CNTNAP4: variants seen among roughly 807,000 people sequenced by gnomAD.
The protein encoded by CNTNAP4 is contactin-associated protein-like 4.
In CNTNAP4, 98 loss-of-function variants were observed where a neutral mutation model predicts 148.4. The observed-to-expected ratio is 0.66, with a 90% CI of 0.56 to 0.78. The LOEUF is 0.78. Among genes scored for constraint, CNTNAP4 ranks in the 30% least tolerant of loss-of-function variants. The pLI, the probability that CNTNAP4 is intolerant of heterozygous loss-of-function variation, is 0.00. For synonymous variants in CNTNAP4, 730 were observed against 565.1 expected (o/e 1.29, Z -4.14); for missense variants, 1,935 against 1,565.6 (o/e 1.24, Z -3.98).
chr16:76,516,785 C>G (rs950592550), intron 15 of CNTNAP4, among the ~76,000 whole-genome samples: 2 of 152,170 alleles, frequency 1.3e-5, no homozygotes, highest in Non-Finnish European at 2.9e-5. Context: ...AATTCTGGGC[C>G]AGAAGTGGTG....
At chr16:76,290,055 A>G (rs1959051566) in intron 1 of CNTNAP4, among the ~76,000 whole-genome samples, 1 of 152,284 alleles carries the variant, frequency 6.6e-6, no homozygotes, top group African/African-American at 2.4e-5. Flanking sequence ...ATAATGACAA[A>G]TATTCCTTTT....
At chr16:76,492,503 G>A (rs2082258716) in intron 13 of CNTNAP4, among the ~76,000 whole-genome samples, 1 of 148,488 alleles carries the variant, frequency 6.7e-6, no homozygotes, top group African/African-American at 2.4e-5. Context: ...CCCTGAGAGA[G>A]TGTTGAGCAA....
intron 3 of CNTNAP4, among the ~76,000 whole-genome samples, chr16:76,411,471 A>T (rs1422283689): frequency 1.3e-5 from 2 of 151,288 alleles, no homozygotes; most frequent in African/African-American, 4.8e-5. Context: ...AGTGATTTTG[A>T]TGGTAATGGT....
intron 1 of CNTNAP4, among the ~76,000 whole-genome samples, chr16:76,291,624 A>T (rs1959119575): frequency 6.6e-6 from 1 of 152,154 alleles, no homozygotes; most frequent in South Asian, 2.1e-4. Context: ...TTTATCTGGC[A>T]CTTTCCCACT....
chr16:76,535,884 C>T, intron 18 of CNTNAP4, 100 bp downstream of exon 18: 1 of 1,347,974 alleles, frequency 7.4e-7, no homozygotes, highest in Non-Finnish European at 1.0e-6. Context: ...AAAAAAAATT[C>T]AATTTCTGAA....
chr16:76,539,667 G>A (rs867497047), intron 19 of CNTNAP4, 52 bp from the exon 20 acceptor site: 63 of 1,460,582 alleles, frequency 4.3e-5, no homozygotes, highest in African/African-American at 5.9e-5. Context: ...TAAGTAAGCC[G>A]CTCTCAAAGT....
intron 3 of CNTNAP4, among the ~76,000 whole-genome samples, chr16:76,398,415 G>A (rs1007563508): frequency 6.6e-5 from 10 of 152,014 alleles, no homozygotes; most frequent in African/African-American, 1.9e-4. Flanking sequence ...TAAGTGTTGC[G>A]TGATACTGCA....
intron 3 of CNTNAP4, among the ~76,000 whole-genome samples, chr16:76,411,909 G>A (rs760537466): frequency 2.0e-5 from 3 of 151,314 alleles, no homozygotes; most frequent in Non-Finnish European, 3.0e-5. Flanking sequence ...TAAATGTTAC[G>A]TAGGCCAAAC....
chr16:76,407,108 A>G (rs1346788501), intron 3 of CNTNAP4, among the ~76,000 whole-genome samples: 1 of 152,188 alleles, frequency 6.6e-6, no homozygotes, highest in East Asian at 1.9e-4. Flanking sequence ...AGCTGAAGAC[A>G]GTGCTCATTT....
In CNTNAP4 at chr16:76,338,244, T is replaced by C. The variant is rs528624919; in HGVS notation, c.197-17074T>C. On this transcript the variant is annotated intron_variant, in intron 2 of 23. Transcript: ENST00000611870. Reference sequence around the variant, plus strand: ...AATTTTGGGAGCTGATAGATGTCCGTGAAATCTTCACAATTTATGTTCTTC... The same window carrying C: ...AATTTTGGGAGCTGATAGATGTCCGCGAAATCTTCACAATTTATGTTCTTC... 9.2e-5 allele frequency among the ~76,000 whole-genome samples: 14 copies of C among 152,288 alleles called. No individual in the cohort carries two copies. The South Asian group carries it at 2.9e-3, about 32-fold the overall frequency.
At chr16:76,363,083 G>A (rs1350150617) in intron 3 of CNTNAP4, among the ~76,000 whole-genome samples, 1 of 150,054 alleles carries the variant, frequency 6.7e-6, no homozygotes, top group Non-Finnish European at 1.5e-5. Flanking sequence ...AGACAATGGG[G>A]AATGTATAGT....
intron 12 of CNTNAP4, among the ~76,000 whole-genome samples, chr16:76,489,374 TAA>T (rs780355980): frequency 6.6e-6 from 1 of 152,114 alleles, no homozygotes; most frequent in African/African-American, 2.4e-5. Flanking sequence ...TTCAATGAAA[TAA>T]AATACATCAC....
At chr16:76,489,933 TACTC>T (rs1467359324) in intron 13 of CNTNAP4, 50 bp downstream of exon 13, 3 of 1,230,388 alleles carry the variant, frequency 2.4e-6, no homozygotes, top group Non-Finnish European at 3.3e-6. Flanking sequence ...ATCATGCACT[TACTC>T]AACTAGCTCC....
rs2082352062 is a variant in CNTNAP4 at position 76,494,986 on chromosome 16, T to C, written c.2157T>C (p.Leu719=). 6.2e-7 allele frequency: 1 copy of C among 1,613,526 alleles called. No individual in the cohort carries two copies. Among genetic ancestry groups the C allele is most frequent in the African/African-American group, 1.3e-5 (1 of 74,888 alleles). The change falls in exon 14 of 24, where the codon CTT becomes CTC. Residue 719 remains leucine (L), a synonymous_variant. Coordinates refer to ENST00000611870, the MANE Select transcript of CNTNAP4 (RefSeq NM_033401.5). Reference sequence around the variant, plus strand: ...ACTGGGGAGGTTCTTCGCCTGATCTTCAAAAATGTACTTGTGGATTAGAGG... The same window carrying C: ...ACTGGGGAGGTTCTTCGCCTGATCTCCAAAAATGTACTTGTGGATTAGAGG... ...QTYWGGSSPD[L]QKCTCGLEGN... is the part of the protein sequence containing the mutation.
chr16:76,510,190 T>C (rs1300655155), intron 15 of CNTNAP4, among the ~76,000 whole-genome samples: 2 of 152,074 alleles, frequency 1.3e-5, no homozygotes, highest in Non-Finnish European at 1.5e-5. Flanking sequence ...TAACCTGCTT[T>C]TTTTTTTCTA....
chr16:76,553,917 A>T lies in CNTNAP4; in HGVS notation c.3733+10A>T, dbSNP rs2085080044. On this transcript the variant is annotated intron_variant, in intron 23 of 23. Transcript: ENST00000611870. Reference sequence around the variant, plus strand: ...TCTGCAGTAATTGGAGGTAATAAGAAGCATGAATGAGCTCTTCTTTGGTTG... The same window carrying T: ...TCTGCAGTAATTGGAGGTAATAAGATGCATGAATGAGCTCTTCTTTGGTTG... 6.7e-7 allele frequency: 1 copy of T among 1,503,184 alleles called. No homozygotes were observed. Among genetic ancestry groups the T allele is most frequent in the African/African-American group, 1.4e-5 (1 of 72,762 alleles). 93.1% of individuals were successfully genotyped at this position (1,503,184 alleles called of 1,614,324 possible).
At chr16:76,424,771 CAA>C (rs1165434550) in intron 3 of CNTNAP4, among the ~76,000 whole-genome samples, 8 of 151,552 alleles carry the variant, frequency 5.3e-5, no homozygotes, top group African/African-American at 1.7e-4. Context: ...AAAACAAAAA[CAA>C]AAACAAAAAG....
intron 2 of CNTNAP4, 30 bp downstream of exon 2, chr16:76,316,553 C>G: frequency 7.2e-7 from 1 of 1,387,700 alleles, no homozygotes; most frequent in Non-Finnish European, 1.0e-6. Context: ...CTGACTGGCC[C>G]ATAGAAAATC....
intron 3 of CNTNAP4, among the ~76,000 whole-genome samples, chr16:76,359,168 GT>G (rs1429367932): frequency 6.6e-6 from 1 of 152,036 alleles, no homozygotes; most frequent in Non-Finnish European, 1.5e-5. Context: ...TTACAAATGT[GT>G]ATTTCCCAAC....
Sources: allele counts gnomAD v4.1 joint callset (sites outside exome capture counted in the v4.1 genomes callset), GRCh38; gene constraint gnomAD v4.1.1; transcripts MANE v1.5; gene names NCBI Gene and HGNC (gene_info 2026-07-23, HGNC 2026-07-21).